Variants in COBL observed in about 807,000 individuals in gnomAD.
COBL encodes the protein cordon-bleu WH2 repeat protein.
COBL carries 51 observed loss-of-function variants against 98.8 expected under a neutral mutation model. The ratio of observed to expected loss-of-function variants is 0.52; its 90% CI spans 0.41 to 0.65. The LOEUF (loss-of-function observed/expected upper bound fraction) is 0.65, where lower values mean the gene tolerates loss of function less well. Among genes scored for constraint, COBL ranks in the 30% least tolerant of loss-of-function variants. The pLI, the probability that COBL is intolerant of heterozygous loss-of-function variation, is 0.00. For missense variants in COBL, 1,617 were observed against 1,617.5 expected, an observed-to-expected ratio of 1.00 and a Z score of 0.01; for synonymous variants, 634 against 651.7, an observed-to-expected ratio of 0.97 and a Z score of 0.41.
intron 5 of COBL, among the ~76,000 whole-genome samples, chr7:51,151,286 C>T (rs1785531262): frequency 6.6e-6 from 1 of 152,222 alleles, no homozygotes; most frequent in Non-Finnish European, 1.5e-5. Context: ...TATGTCAGCT[C>T]AGCAGCTATC....
intron 6 of COBL, among the ~76,000 whole-genome samples, chr7:51,094,730 T>C (rs987547255): frequency 9.2e-5 from 14 of 152,150 alleles, no homozygotes; most frequent in Admixed American, 2.0e-4. Flanking sequence ...AATCCTGGAA[T>C]ATAATATGTT....
Position 51,136,199 on chromosome 7 carries a change from G to A in COBL, c.916C>T (p.Pro306Ser). Residue 306 changes from proline (P) to serine (S), a missense_variant, in exon 6 of 13, where the codon CCA becomes TCA. Physicochemically the swap from Pro to Ser is moderately conservative, Grantham distance 74 (BLOSUM62 -1). Around this residue, in one of 3 missense-constraint regions of COBL, gnomAD observed 1,304 missense variants for 1,282.0 expected, o/e 1.02. Transcript: ENST00000265136. The stretch of plus-strand genomic sequence containing the variant: ...TCTTGCACAGGTGGCCCTGAACCTG[G>A]AGGAGGAGGGGCTCGGCGCTTCTTC... Reference protein sequence around the residue: ...EMKKRRAPPPPGSGPPVQDKA... With the variant: ...EMKKRRAPPPSGSGPPVQDKA... 6.2e-7 allele frequency: 1 copy of A among 1,612,928 alleles called. No individual in the cohort carries two copies. Among genetic ancestry groups the A allele is most frequent in the Non-Finnish European group, 8.5e-7 (1 of 1,180,014 alleles).
At chr7:51,200,669 C>CA (rs1477984590) in intron 2 of COBL, among the ~76,000 whole-genome samples, 3 of 152,082 alleles carry the variant, frequency 2.0e-5, no homozygotes, top group Non-Finnish European at 4.4e-5. Context: ...AATCAAAGTA[C>CA]ACTGCTACGA....
chr7:51,299,831 C>T (rs1801754903), intron 1 of COBL, among the ~76,000 whole-genome samples: 1 of 152,136 alleles, frequency 6.6e-6, no homozygotes, highest in East Asian at 1.9e-4. Context: ...CACAGGTGAC[C>T]CATGACTCCA....
At chr7:51,074,347 C>T (rs939723725) in intron 7 of COBL, among the ~76,000 whole-genome samples, 4 of 151,986 alleles carry the variant, frequency 2.6e-5, no homozygotes, top group African/African-American at 7.2e-5. Context: ...AGGCATGCAC[C>T]GCCATGCCTG....
intron 5 of COBL, among the ~76,000 whole-genome samples, chr7:51,141,333 C>T (rs1583934597): frequency 6.6e-6 from 1 of 152,138 alleles, no homozygotes; most frequent in East Asian, 1.9e-4. Context: ...TCTGAGCTGG[C>T]AATCAACAAT....
At chr7:51,190,372 G>A (rs748295054) in intron 4 of COBL, among the ~76,000 whole-genome samples, 1 of 151,950 alleles carries the variant, frequency 6.6e-6, no homozygotes, top group Non-Finnish European at 1.5e-5. Context: ...GCACCACCAC[G>A]TCTGGCTAAT....
chr7:51,315,804 A>G (rs1006446170), intron 1 of COBL, among the ~76,000 whole-genome samples: 45 of 152,210 alleles, frequency 3.0e-4, no homozygotes, highest in African/African-American at 1.0e-3. Context: ...TGAGAGTCAA[A>G]TCCTGAATGT....
chr7:51,100,491 T>C (rs1038238882), intron 6 of COBL, among the ~76,000 whole-genome samples: 5 of 152,220 alleles, frequency 3.3e-5, no homozygotes, highest in Non-Finnish European at 5.9e-5. Context: ...TCCACATTGG[T>C]TAGCTGAAGC....
At chr7:51,304,473 T>C (rs1260495865) in intron 1 of COBL, among the ~76,000 whole-genome samples, 1 of 152,228 alleles carries the variant, frequency 6.6e-6, no homozygotes, top group Non-Finnish European at 1.5e-5. Context: ...GTATTTCTAG[T>C]GCTATTTTTC....
At chr7:51,306,005 C>T (rs1178605789) in intron 1 of COBL, among the ~76,000 whole-genome samples, 2 of 152,138 alleles carry the variant, frequency 1.3e-5, no homozygotes, top group Non-Finnish European at 2.9e-5. Flanking sequence ...CACTGCACTC[C>T]AGCCCAGGCG....
At chr7:51,157,649 C>G (rs1426547098) in intron 5 of COBL, among the ~76,000 whole-genome samples, 1 of 152,172 alleles carries the variant, frequency 6.6e-6, no homozygotes, top group African/African-American at 2.4e-5. Context: ...TTTTCCCCCT[C>G]AATATTCATT....
chr7:51,267,908 C>A (rs964341160), intron 1 of COBL, among the ~76,000 whole-genome samples: 2 of 152,218 alleles, frequency 1.3e-5, no homozygotes, highest in Non-Finnish European at 1.5e-5. Context: ...AACAAATATT[C>A]TCTTCCCAAA....
intron 6 of COBL, among the ~76,000 whole-genome samples, chr7:51,113,353 A>T (rs1027818645): frequency 3.3e-5 from 5 of 152,250 alleles, no homozygotes; most frequent in African/African-American, 1.2e-4. Flanking sequence ...AATGAAAAGT[A>T]AAAGCTTTTA....
chr7:51,030,917 A>G lies in COBL; in HGVS notation c.1407-8T>C. 6.4e-7 allele frequency: 1 copy of G among 1,558,866 alleles called. No homozygotes were observed. On this transcript the variant is annotated splice_region_variant and splice_polypyrimidine_tract_variant and intron_variant, in intron 8 of 12. Transcript: ENST00000265136. ...GTGACAGCTTTTTCAGTTCTAGGGA[A>G]GACCAAAGAGAAAGGAGCACTCATT... is the stretch of plus-strand genomic sequence containing the variant.
At chr7:51,083,887 T>C (rs1408544990) in intron 7 of COBL, among the ~76,000 whole-genome samples, 1 of 152,118 alleles carries the variant, frequency 6.6e-6, no homozygotes, top group Admixed American at 6.5e-5. Context: ...GGCCTAGGGA[T>C]TGGCACGATC....
At chr7:51,254,235 T>C (rs1243372961) in intron 1 of COBL, among the ~76,000 whole-genome samples, 3 of 152,194 alleles carry the variant, frequency 2.0e-5, no homozygotes, top group Non-Finnish European at 2.9e-5. Flanking sequence ...CTTTCACTTT[T>C]ATGGCTGATG....
intron 1 of COBL, among the ~76,000 whole-genome samples, chr7:51,256,969 C>T (rs960727440): frequency 3.3e-5 from 5 of 152,084 alleles, no homozygotes; most frequent in Admixed American, 6.5e-5. Context: ...AAAATATACA[C>T]GAGACTTGAA....
At chr7:51,248,055 T>A (rs1025199181) in intron 1 of COBL, among the ~76,000 whole-genome samples, 1 of 151,936 alleles carries the variant, frequency 6.6e-6, no homozygotes, top group African/African-American at 2.4e-5. Context: ...GGGAGAATTG[T>A]CTGAGTCAGG....
Sources: gnomAD v4.1 joint callset for allele counts (sites outside exome capture counted in the v4.1 genomes callset) on GRCh38, gnomAD v4.1.1 for gene constraint, gnomAD v4.1.1 regional missense constraint, MANE v1.5 for transcripts, NCBI Gene and HGNC (gene_info 2026-07-23, HGNC 2026-07-21) for gene names.